TAMM41: variants seen among roughly 807,000 people sequenced by gnomAD.
The protein encoded by TAMM41 is TAM41 mitochondrial translocator assembly and maintenance homolog, also known as phosphatidate cytidylyltransferase, mitochondrial.
TAMM41 carries 36 observed loss-of-function variants against 44.1 expected under a neutral mutation model. The ratio of observed to expected loss-of-function variants is 0.82; its 90% confidence interval spans 0.63 to 1.08. The LOEUF (loss-of-function observed/expected upper bound fraction) is 1.08, where lower values mean the gene tolerates loss of function less well. TAMM41 is among the 50% of genes least tolerant of loss of function. The probability of loss-of-function intolerance (pLI) is 0.00; values close to 1 mark genes in which losing one functional copy is unlikely to be tolerated. For missense variants in TAMM41, 417 were observed against 404.3 expected, an observed-to-expected ratio of 1.03 and a Z score of -0.27; for synonymous variants, 164 against 153.1, an observed-to-expected ratio of 1.07 and a Z score of -0.53.
intron 3 of TAMM41, among the ~76,000 whole-genome samples, chr3:11,837,762 AGGTGACTGGGTGGT>A (rs1249275330): frequency 3.3e-5 from 5 of 152,238 alleles, no homozygotes; most frequent in Non-Finnish European, 5.9e-5. Context: ...CTAGCAGACA[AGGTGACTGGGTGGT>A]GCTAAGGGAG....
chr3:11,734,213 G>A, the TAMM41 span, among the ~76,000 whole-genome samples: 12 of 152,264 alleles, frequency 7.9e-5, no homozygotes, highest in Admixed American at 2.6e-4. Flanking sequence ...CGAGGCACCC[G>A]GGATGACAAG....
chr3:11,846,526 C>CT lies in TAMM41; in HGVS notation c.110dup (p.Ala38GlyfsTer20). Reference sequence around the variant, plus strand: ...CCTTCTGGTCTGAACTCGGCCCTGCCTGGCGGTACACCCCGGAGCCGTAGA... The same window carrying CT: ...CCTTCTGGTCTGAACTCGGCCCTGCCTTGGCGGTACACCCCGGAGCCGTAGA... On this transcript the variant is annotated frameshift_variant, in exon 1 of 8. Transcript: ENST00000455809. LOFTEE classifies it high-confidence loss of function. 6.2e-7 allele frequency: 1 copy of CT among 1,614,244 alleles called. No homozygotes were observed. The highest frequency in any genetic ancestry group is 8.5e-7 in the Non-Finnish European group (1 of 1,180,046).
chr3:11,779,058 T>G, the TAMM41 span, among the ~76,000 whole-genome samples: 1 of 152,082 alleles, frequency 6.6e-6, no homozygotes, highest in African/African-American at 2.4e-5. Flanking sequence ...CCCTAATGAA[T>G]AGATTAATGC....
chr3:11,731,748 G>A, the TAMM41 span, among the ~76,000 whole-genome samples: 11 of 152,196 alleles, frequency 7.2e-5, no homozygotes, highest in Non-Finnish European at 1.3e-4. Flanking sequence ...AGATCTTTGA[G>A]GCTGCTACAA....
intron 4 of TAMM41, among the ~76,000 whole-genome samples, chr3:11,824,437 T>C (rs1223210189): frequency 6.8e-6 from 1 of 146,032 alleles, no homozygotes; most frequent in African/African-American, 2.6e-5. Context: ...CTCAGCTCAC[T>C]GCAACCTTCG....
chr3:11,796,745 G>A (rs1370586793), intron 7 of TAMM41, among the ~76,000 whole-genome samples: 1 of 152,122 alleles, frequency 6.6e-6, no homozygotes, highest in East Asian at 1.9e-4. Context: ...ACAACAAAAG[G>A]ACTCATAAAG....
At chr3:11,789,457 G>A (rs1411078702), downstream of TAMM41, among the ~76,000 whole-genome samples, 2 of 152,212 alleles carry the variant, frequency 1.3e-5, no homozygotes, top group Non-Finnish European at 2.9e-5. Context: ...AGCTTGTTAG[G>A]TGGATGAGGT....
At chr3:11,764,322 A>G in the TAMM41 span, among the ~76,000 whole-genome samples, 3 of 151,186 alleles carry the variant, frequency 2.0e-5, no homozygotes, top group African/African-American at 7.3e-5. Flanking sequence ...TATAGGTGCA[A>G]TGCTGTGTGT....
At chr3:11,841,698 G>C (rs964918071) in intron 2 of TAMM41, among the ~76,000 whole-genome samples, 2 of 152,166 alleles carry the variant, frequency 1.3e-5, no homozygotes, top group Admixed American at 6.5e-5. Flanking sequence ...GACTCAAGTG[G>C]ATGCAGAAGG....
the TAMM41 span, among the ~76,000 whole-genome samples, chr3:11,729,597 G>A: frequency 3.5e-5 from 4 of 114,886 alleles, no homozygotes; most frequent in African/African-American, 1.0e-4. Flanking sequence ...GTCTCACTCC[G>A]TTGCCCAGGC....
chr3:11,818,746 A>G (rs4684817), intron 4 of TAMM41, among the ~76,000 whole-genome samples: 24,871 of 151,602 alleles, frequency 0.16, 4,489 homozygotes, highest in East Asian at 0.48. Flanking sequence ...AAATACAAAA[A>G]AATTAGCCAG....
intron 3 of TAMM41, among the ~76,000 whole-genome samples, chr3:11,835,136 A>G (rs906568611): frequency 1.3e-5 from 2 of 152,216 alleles, no homozygotes; most frequent in African/African-American, 4.8e-5. Flanking sequence ...TCATATTCTC[A>G]TAATTCTTTC....
At chr3:11,846,287 G>C (rs1239107309) in intron 1 of TAMM41, among the ~76,000 whole-genome samples, 1 of 152,192 alleles carries the variant, frequency 6.6e-6, no homozygotes, top group Non-Finnish European at 1.5e-5. Context: ...TGCTTCTCCT[G>C]CTCTAGACCC....
the TAMM41 span, among the ~76,000 whole-genome samples, chr3:11,762,313 C>G: frequency 6.6e-6 from 1 of 152,192 alleles, no homozygotes; most frequent in African/African-American, 2.4e-5. Context: ...CTGCACAGAC[C>G]TTTGCTAGTG....
At chr3:11,767,803 T>G in the TAMM41 span, among the ~76,000 whole-genome samples, 1 of 151,080 alleles carries the variant, frequency 6.6e-6, no homozygotes, top group African/African-American at 2.4e-5. Flanking sequence ...TTTTTGAATT[T>G]TAGTAGAGAT....
the TAMM41 span, among the ~76,000 whole-genome samples, chr3:11,764,422 C>T: frequency 2.6e-5 from 4 of 151,392 alleles, no homozygotes; most frequent in South Asian, 2.1e-4. Context: ...ACCTTTATCC[C>T]GAAGGCCACA....
At chr3:11,831,394 C>T (rs577065486) in intron 3 of TAMM41, among the ~76,000 whole-genome samples, 1 of 152,170 alleles carries the variant, frequency 6.6e-6, no homozygotes, top group African/African-American at 2.4e-5. Context: ...AATTTACACT[C>T]GTACCATGAT....
At chr3:11,767,626 A>T in the TAMM41 span, among the ~76,000 whole-genome samples, 230 of 60,664 alleles carry the variant, frequency 3.8e-3, 1 homozygote, top group Non-Finnish European at 4.1e-3. Flanking sequence ...CACGTTGTGC[A>T]TTTTTTTTTT....
chr3:11,821,686 G>A (rs2078527353), intron 4 of TAMM41, among the ~76,000 whole-genome samples: 1 of 152,186 alleles, frequency 6.6e-6, no homozygotes, highest in African/African-American at 2.4e-5. Flanking sequence ...AGGATGGAGG[G>A]TAGAGGAAGC....
Sources: allele counts gnomAD v4.1 joint callset (sites outside exome capture counted in the v4.1 genomes callset), GRCh38; gene constraint gnomAD v4.1.1; transcripts MANE v1.5; gene names NCBI Gene and HGNC (gene_info 2026-07-23, HGNC 2026-07-21).